CTNNA3: variants seen among roughly 807,000 people sequenced by gnomAD.
The protein encoded by CTNNA3 is catenin alpha-3.
A neutral mutation model predicts 95.7 loss-of-function variants in CTNNA3; 76 were observed. That is an observed-to-expected ratio of 0.79 (90% CI 0.66 to 0.96). The LOEUF is 0.96. Ranked by LOEUF, CTNNA3 falls within the 40% of genes least tolerant of loss-of-function variation. The pLI, the probability that CTNNA3 is intolerant of heterozygous loss-of-function variation, is 0.00. For synonymous variants in CTNNA3, 431 were observed against 374.4 expected (o/e 1.15, Z -1.74); for missense variants, 1,191 against 1,089.8 (o/e 1.09, Z -1.31).
At chr10:66,626,930 CACA>C (rs3053862) in intron 9 of CTNNA3, among the ~76,000 whole-genome samples, 60,653 of 150,584 alleles carry the variant, frequency 0.4, 12,319 homozygotes, top group Middle Eastern at 0.55. Context: ...CATACACACA[CACA>C]ACAACAACAA....
At chr10:66,425,670 A>G (rs12777012) in intron 11 of CTNNA3, among the ~76,000 whole-genome samples, 57,858 of 151,654 alleles carry the variant, frequency 0.38, 11,578 homozygotes, top group African/African-American at 0.5. Context: ...CATTCTTCAT[A>G]TAAAGATATA....
chr10:66,550,746 C>T (rs1034138422), intron 10 of CTNNA3, among the ~76,000 whole-genome samples: 7 of 151,620 alleles, frequency 4.6e-5, no homozygotes, highest in Admixed American at 4.6e-4. Flanking sequence ...TTTTTATTAT[C>T]TCATTGTAAT....
At chr10:66,922,262 G>C (rs972675451) in intron 7 of CTNNA3, among the ~76,000 whole-genome samples, 8 of 152,176 alleles carry the variant, frequency 5.3e-5, no homozygotes. Context: ...GAAGTTGCTA[G>C]TTTCTAAATA....
At chr10:66,054,459 C>T (rs1369322396) in intron 15 of CTNNA3, among the ~76,000 whole-genome samples, 1 of 152,108 alleles carries the variant, frequency 6.6e-6, no homozygotes, top group Non-Finnish European at 1.5e-5. Flanking sequence ...TTTTAATTTG[C>T]ATTTCTCTGA....
intron 9 of CTNNA3, among the ~76,000 whole-genome samples, chr10:66,719,945 G>A (rs1848573319): frequency 6.6e-6 from 1 of 152,038 alleles, no homozygotes; most frequent in African/African-American, 2.4e-5. Context: ...TCACAATGGG[G>A]GACAAAGTAG....
chr10:67,676,913 AG>A lies in CTNNA3; in HGVS notation c.-6+19086del, dbSNP rs528675088. ...CACTTCTAGGGTAACATAGGCCACAAGGGGGGTTCTAGTTTAAGGGTCTTTG... is the reference window on the plus strand; with the variant it reads ...CACTTCTAGGGTAACATAGGCCACAAGGGGGTTCTAGTTTAAGGGTCTTTG... On this transcript the variant is annotated intron_variant, in intron 1 of 17. Coordinates refer to ENST00000433211, the MANE Select transcript of CTNNA3 (RefSeq NM_013266.4). 3.3e-3 allele frequency among the ~76,000 whole-genome samples: 503 copies of A among 152,270 alleles called. 3 individuals carry two copies. Among genetic ancestry groups the A allele is most frequent in the African/African-American group, 0.011 (477 of 41,568 alleles).
At chr10:67,580,324 C>A (rs10823069) in intron 3 of CTNNA3, among the ~76,000 whole-genome samples, 61,026 of 151,768 alleles carry the variant, frequency 0.4, 15,851 homozygotes, top group African/African-American at 0.71. Flanking sequence ...TCCTTTCCTC[C>A]TTTCTTGTTT....
chr10:66,275,973 T>C (rs1418824961), intron 13 of CTNNA3, among the ~76,000 whole-genome samples: 1 of 152,136 alleles, frequency 6.6e-6, no homozygotes, highest in African/African-American at 2.4e-5. Context: ...ACCCAAAGAT[T>C]GGATTGTTAT....
intron 7 of CTNNA3, among the ~76,000 whole-genome samples, chr10:66,914,639 T>C (rs2140379): frequency 0.8 from 120,681 of 151,636 alleles, 49,081 homozygotes; most frequent in Non-Finnish European, 0.89. Context: ...GGCAAAAAGA[T>C]AACTTAAAAA....
Position 66,521,284 on chromosome 10 carries a change from AGCTCC to A in CTNNA3, c.1375-516_1375-512del, listed in dbSNP as rs1381371439. On this transcript the variant is annotated intron_variant, in intron 10 of 17. Transcript: ENST00000433211. ...TTTAAATATAAACTTTGTTACCATAAGCTCCATCAAGTTCAAGACACTTTTCTAAG... is the reference window on the plus strand; with the variant it reads ...TTTAAATATAAACTTTGTTACCATAAATCAAGTTCAAGACACTTTTCTAAG... Among the ~76,000 whole-genome samples the A allele has an allele frequency of 5.9e-5, 9 of 152,200 alleles. No homozygotes were observed. The South Asian group carries it at 1.9e-3, about 32-fold the overall frequency.
At chr10:66,595,309 C>T (rs12416039) in intron 10 of CTNNA3, among the ~76,000 whole-genome samples, 7,262 of 150,274 alleles carry the variant, frequency 0.048, 589 homozygotes, top group East Asian at 0.27. Context: ...GTTAAATATT[C>T]CTTGTTGATT....
chr10:67,618,245 A>T (rs1169528949), intron 2 of CTNNA3, among the ~76,000 whole-genome samples: 1 of 152,152 alleles, frequency 6.6e-6, no homozygotes, highest in African/African-American at 2.4e-5. Context: ...ACCAAAGAAG[A>T]CTCTAAAATA....
At chr10:67,337,135 T>C (rs908633435) in intron 5 of CTNNA3, among the ~76,000 whole-genome samples, 4 of 152,048 alleles carry the variant, frequency 2.6e-5, no homozygotes, top group African/African-American at 4.8e-5. Context: ...GCAAAGTAAA[T>C]TAAAAACCTT....
intron 10 of CTNNA3, among the ~76,000 whole-genome samples, chr10:66,595,538 T>C (rs1356569998): frequency 6.6e-6 from 1 of 151,992 alleles, no homozygotes; most frequent in Non-Finnish European, 1.5e-5. Flanking sequence ...GGTTTCACCA[T>C]GTTGGCCAGG....
intron 10 of CTNNA3, among the ~76,000 whole-genome samples, chr10:66,603,823 TC>T (rs1844018475): frequency 6.6e-6 from 1 of 152,120 alleles, no homozygotes; most frequent in African/African-American, 2.4e-5. Flanking sequence ...AAAGCATACA[TC>T]AGGGAAAGAC....
intron 7 of CTNNA3, among the ~76,000 whole-genome samples, chr10:67,011,429 G>GA (rs34842168): frequency 0.53 from 80,470 of 151,504 alleles, 22,024 homozygotes; most frequent in Middle Eastern, 0.73. Context: ...AATTGCTAGT[G>GA]AAAAAACAGA....
Position 67,761,024 on chromosome 10 carries a change from G to A in CTNNA3, c.-2+2410C>T, listed in dbSNP as rs558938899. On this transcript the variant is annotated intron_variant, in intron 1 of 17. Coordinates refer to the CTNNA3 transcript ENST00000684154. ...TGGAAAATTATCTTCCACAAAACTG[G>A]TCTCTGGTACCAAAAAGGTTAGCGA... Among the ~76,000 whole-genome samples the A allele has an allele frequency of 4.6e-5, 7 of 152,188 alleles. 1 individual carries two copies. The highest frequency in any genetic ancestry group is 1.4e-4 in the African/African-American group (6 of 41,496).
At chr10:66,737,709 G>A (rs1030712248) in intron 9 of CTNNA3, among the ~76,000 whole-genome samples, 2 of 150,556 alleles carry the variant, frequency 1.3e-5, no homozygotes, top group African/African-American at 4.9e-5. Flanking sequence ...CACCAGGCTC[G>A]AGTGCACTGG....
intron 9 of CTNNA3, among the ~76,000 whole-genome samples, chr10:66,746,896 CAT>C (rs1208881132): frequency 6.6e-6 from 1 of 151,942 alleles, no homozygotes; most frequent in Non-Finnish European, 1.5e-5. Flanking sequence ...CGTGCACACA[CAT>C]GTGCACAAAG....
Sources: allele counts gnomAD v4.1 joint callset (sites outside exome capture counted in the v4.1 genomes callset), GRCh38; gene constraint gnomAD v4.1.1; transcripts MANE v1.5; gene names NCBI Gene and HGNC (gene_info 2026-07-23, HGNC 2026-07-21).